The following ZSCAN4 variants were observed in gnomAD, a reference collection of about 807,000 sequenced individuals.
The protein encoded by ZSCAN4 is zinc finger and SCAN domain-containing protein 4.
Under a neutral mutation model 18.3 loss-of-function variants are expected in ZSCAN4, and 18 were observed. The observed-to-expected ratio is 0.98, with a 90% CI of 0.68 to 1.46. ZSCAN4 has a LOEUF of 1.46. Ranked by LOEUF, ZSCAN4 falls within the 40% of genes most tolerant of loss-of-function variation. ZSCAN4 has a pLI of 0.00. For missense variants in ZSCAN4, 498 were observed against 511.4 expected (o/e 0.97, Z 0.25); for synonymous variants, 193 against 180.3 (o/e 1.07, Z -0.57).
upstream of ZSCAN4, among the ~76,000 whole-genome samples, chr19:57,666,507 GTTAT>G (rs1315314953): frequency 1.3e-5 from 2 of 150,420 alleles, no homozygotes; most frequent in African/African-American, 4.9e-5. Context: ...TTTTGAAGTT[GTTAT>G]TAAAGTAGGT....
At chr19:57,654,076 C>A in the ZSCAN4 span, among the ~76,000 whole-genome samples, 1 of 152,300 alleles carries the variant, frequency 6.6e-6, no homozygotes, top group African/African-American at 2.4e-5. Context: ...ATACTCAGTT[C>A]TACCAGAATA....
At chr19:57,652,544 T>G in the ZSCAN4 span, among the ~76,000 whole-genome samples, 3 of 152,086 alleles carry the variant, frequency 2.0e-5, no homozygotes, top group Non-Finnish European at 2.9e-5. Flanking sequence ...ACCTCTGCCC[T>G]TGAACCCCTC....
chr19:57,662,074 C>T, the ZSCAN4 span, among the ~76,000 whole-genome samples: 1 of 87,514 alleles, frequency 1.1e-5, no homozygotes, highest in Non-Finnish European at 2.2e-5. Context: ...GAGCGAGACT[C>T]TGTCTCAAAA....
the ZSCAN4 span, among the ~76,000 whole-genome samples, chr19:57,659,923 G>T: frequency 1.3e-5 from 2 of 152,110 alleles, no homozygotes; most frequent in Admixed American, 1.3e-4. Context: ...ACCATTAATA[G>T]TTTCAGTAAT....
At chr19:57,663,519 C>CA in the ZSCAN4 span, among the ~76,000 whole-genome samples, 4 of 18,314 alleles carry the variant, frequency 2.2e-4, no homozygotes, top group African/African-American at 8.7e-4. Flanking sequence ...AACCATGTCT[C>CA]TAAAAAAAAA....
exon 3 of ZSCAN4, chr19:57,676,290 T>C: frequency 6.2e-7 from 1 of 1,614,174 alleles, no homozygotes; most frequent in Non-Finnish European, 8.5e-7. Flanking sequence ...GGTGCTCAAT[T>C]CATTTCAAGA....
chr19:57,678,719 G>A lies in ZSCAN4; in HGVS notation c.1116G>A (p.Met372Ile), dbSNP rs756814706. 16 of 1,614,054 alleles carry A rather than the reference G, an allele frequency of 9.9e-6. No homozygotes were observed. The highest frequency in any genetic ancestry group is 4.4e-5 in the South Asian group (4 of 91,090). The stretch of plus-strand genomic sequence containing the variant: ...GAAAGAAGCCTTTCACATGCAGCAT[G>A]TGTAAAAAGTCCTTCAGCCACAAAA... Residue 372 changes from methionine to isoleucine, a missense_variant, in exon 5 of 5, where the codon ATG becomes ATA. By Grantham distance (10) the Met-to-Ile change is conservative. Coordinates refer to ENST00000318203, the Ensembl canonical transcript of ZSCAN4.
chr19:57,667,873 ATTGTTTTTTTTTTGT>A (rs796430887), upstream of ZSCAN4, among the ~76,000 whole-genome samples: 38 of 150,572 alleles, frequency 2.5e-4, no homozygotes, highest in South Asian at 2.5e-3. Flanking sequence ...TACATTTTTC[ATTGTTTTTTTTTTGT>A]TTGTTTTTTG....
At chr19:57,679,119 C>A (rs1425569399) in exon 5 of ZSCAN4, 2 of 380,724 alleles carry the variant, frequency 5.3e-6, no homozygotes, top group East Asian at 8.6e-5. Context: ...TTCCAAGAAC[C>A]AATAAATTTC....
chr19:57,653,755 C>A, the ZSCAN4 span, among the ~76,000 whole-genome samples: 1 of 152,216 alleles, frequency 6.6e-6, no homozygotes, highest in East Asian at 1.9e-4. Context: ...TCACCAGGAG[C>A]CTGTTTTAAG....
chr19:57,678,023 C>A (rs530730923), exon 4 of ZSCAN4: 3 of 1,600,384 alleles, frequency 1.9e-6, no homozygotes, highest in Non-Finnish European at 2.6e-6. Context: ...ACAAGAGAAG[C>A]AAACATGGGG....
upstream of ZSCAN4, chr19:57,664,626 C>A: frequency 5.3e-6 from 1 of 188,794 alleles, no homozygotes; most frequent in Non-Finnish European, 1.1e-5. Context: ...CCAGGGCTGG[C>A]AGGCGGCCCG....
upstream of ZSCAN4, among the ~76,000 whole-genome samples, chr19:57,665,661 T>C (rs1360389519): frequency 6.6e-6 from 1 of 152,174 alleles, no homozygotes; most frequent in Non-Finnish European, 1.5e-5. Context: ...GGCTCACTCC[T>C]GTAATCCCAA....
upstream of ZSCAN4, among the ~76,000 whole-genome samples, chr19:57,668,652 C>T (rs1039784878): frequency 6.6e-6 from 1 of 152,154 alleles, no homozygotes; most frequent in Non-Finnish European, 1.5e-5. Context: ...AGGGAGAGTG[C>T]AGGGAAGAAG....
At chr19:57,667,978 T>C (rs1417658088), upstream of ZSCAN4, among the ~76,000 whole-genome samples, 1 of 152,302 alleles carries the variant, frequency 6.6e-6, no homozygotes, top group East Asian at 1.9e-4. Flanking sequence ...CTTGGCTCAC[T>C]GCAACCTCGG....
At chr19:57,661,116 G>A in the ZSCAN4 span, among the ~76,000 whole-genome samples, 1 of 151,976 alleles carries the variant, frequency 6.6e-6, no homozygotes, top group Non-Finnish European at 1.5e-5. Context: ...TTGATTCATT[G>A]ATCCCCTATA....
At chr19:57,660,715 C>G in the ZSCAN4 span, among the ~76,000 whole-genome samples, 1 of 152,208 alleles carries the variant, frequency 6.6e-6, no homozygotes, top group Non-Finnish European at 1.5e-5. Context: ...CAGTACTCTT[C>G]TCTATCCTCA....
chr19:57,660,408 C>T, the ZSCAN4 span, among the ~76,000 whole-genome samples: 2 of 152,146 alleles, frequency 1.3e-5, no homozygotes, highest in African/African-American at 2.4e-5. Context: ...GAGAGAGGTG[C>T]TGATATGTGC....
chr19:57,677,726 T>C (rs1412334977), intron 3 of ZSCAN4, among the ~76,000 whole-genome samples, 188 bp from the exon 4 acceptor site: 1 of 152,218 alleles, frequency 6.6e-6, no homozygotes, highest in African/African-American at 2.4e-5. Context: ...GTAAATTCAA[T>C]GTCCATGTGA....
Sources: allele counts gnomAD v4.1 joint callset (sites outside exome capture counted in the v4.1 genomes callset), GRCh38; gene constraint gnomAD v4.1.1; transcripts MANE v1.5; gene names NCBI Gene and HGNC (gene_info 2026-07-23, HGNC 2026-07-21).